Variants in SMURF2 observed in about 807,000 individuals in gnomAD.
SMURF2 encodes SMAD specific E3 ubiquitin protein ligase 2, also known as E3 ubiquitin-protein ligase SMURF2.
A neutral mutation model predicts 109.6 loss-of-function variants in SMURF2; 48 were observed. That is an observed-to-expected ratio of 0.44 (90% CI 0.35 to 0.56). SMURF2 has a LOEUF of 0.56. Among genes scored for constraint, SMURF2 ranks in the 20% least tolerant of loss-of-function variants. SMURF2 has a pLI of 0.01. For synonymous variants in SMURF2, 288 were observed against 317.1 expected (o/e 0.91, Z 0.97); for missense variants, 575 against 909.0 (o/e 0.63, Z 4.72).
At chr17:64,647,680 A>T (rs1357351371) in intron 1 of SMURF2, among the ~76,000 whole-genome samples, 1 of 101,986 alleles carries the variant, frequency 9.8e-6, no homozygotes, top group East Asian at 2.3e-4. Context: ...GACTCTGTCT[A>T]AAAAAAAAAA....
chr17:64,584,318 C>CAA (rs368630194), intron 6 of SMURF2, among the ~76,000 whole-genome samples: 124 of 71,834 alleles, frequency 1.7e-3, no homozygotes, highest in South Asian at 3.7e-3. Context: ...AACTCCTTCT[C>CAA]AAAAAAAAAA....
chr17:64,588,112 T>C (rs537374680), intron 5 of SMURF2, among the ~76,000 whole-genome samples: 1 of 142,236 alleles, frequency 7.0e-6, no homozygotes, highest in Admixed American at 7.0e-5. Context: ...AAAAAAAAGA[T>C]GTTTATGATA....
chr17:64,661,641 G>C (rs1481011068), intron 1 of SMURF2, among the ~76,000 whole-genome samples, 188 bp downstream of exon 1: 1 of 151,480 alleles, frequency 6.6e-6, no homozygotes, highest in African/African-American at 2.4e-5. Flanking sequence ...AGTCATCCTC[G>C]GCTTTTTAAA....
At chr17:64,552,294 T>C (rs1969056638) in intron 15 of SMURF2, among the ~76,000 whole-genome samples, 1 of 152,216 alleles carries the variant, frequency 6.6e-6, no homozygotes. Flanking sequence ...AAAAATGCAC[T>C]AAACTACATC....
chr17:64,547,555 C>G lies in SMURF2; in HGVS notation c.2071+45G>C, dbSNP rs1968975941. ...CTCCACAGACCCCACGCTGACAGCC[C>G]CGCCCCCACCCGCTGCCCAGCTTGC... On this transcript the variant is annotated intron_variant, in intron 17 of 18. Transcript: ENST00000262435. The surrounding 1 kb of genome is among the most constrained non-coding windows in gnomAD (Gnocchi z 4.2). 1.9e-6 allele frequency: 3 copies of G among 1,559,620 alleles called. No homozygotes were observed. The highest frequency in any genetic ancestry group is 2.7e-6 in the Non-Finnish European group (3 of 1,131,388).
intron 10 of SMURF2, 36 bp from the exon 11 acceptor site, chr17:64,563,002 T>C: frequency 7.2e-6 from 11 of 1,525,124 alleles, no homozygotes; most frequent in Non-Finnish European, 9.7e-6. Flanking sequence ...TTAAAGTATA[T>C]CAAATTTTAA....
At position 64,561,485 on chromosome 17, in the gene SMURF2, C is replaced by T. The variant is rs112867579; in HGVS notation, c.1316+15G>A. On this transcript the variant is annotated intron_variant, in intron 12 of 18. Coordinates refer to ENST00000262435, the MANE Select transcript of SMURF2 (RefSeq NM_022739.4). ...CAAAGATCCATATGTCATAAGCTGGCAAGCAAGTCCATACCTGGCAACGCC... is the reference window on the plus strand; with the variant it reads ...CAAAGATCCATATGTCATAAGCTGGTAAGCAAGTCCATACCTGGCAACGCC... The T allele has an allele frequency of 3.8e-6, 6 of 1,570,024 alleles. No homozygotes were observed. In the African/African-American group the frequency reaches 5.4e-5, roughly 14 times the overall value.
At chr17:64,560,141 G>A (rs1160926361) in intron 12 of SMURF2, among the ~76,000 whole-genome samples, 2 of 151,786 alleles carry the variant, frequency 1.3e-5, no homozygotes, top group African/African-American at 2.4e-5. Context: ...CTTGTACCTA[G>A]GAGTTCGAAG....
Position 64,542,389 on chromosome 17 carries a change from G to A in SMURF2, c.*3459C>T, listed in dbSNP as rs1269811614. ...ATTTTTAAAAACCATTTATACAGAT[G>A]TTACTGATAAAGCTCATGTAACAAA... On this transcript the variant is annotated 3_prime_UTR_variant, in exon 19 of 19. Coordinates refer to ENST00000262435, the MANE Select transcript of SMURF2 (RefSeq NM_022739.4). The A allele has an allele frequency of 6.6e-6, 1 of 152,104 alleles. No individual in the cohort carries two copies. The highest frequency in any genetic ancestry group is 1.5e-5 in the Non-Finnish European group (1 of 68,030). 9.4% of individuals were successfully genotyped at this position (152,104 alleles called of 1,614,324 possible).
At chr17:64,553,976 C>T (rs2144592709) in intron 15 of SMURF2, among the ~76,000 whole-genome samples, 1 of 152,330 alleles carries the variant, frequency 6.6e-6, no homozygotes, top group South Asian at 2.1e-4. Flanking sequence ...AAACTGATTA[C>T]CATAGTTCTA....
intron 16 of SMURF2, 146 bp downstream of exon 16, chr17:64,551,438 A>T: frequency 1.2e-6 from 1 of 840,342 alleles, no homozygotes; most frequent in Non-Finnish European, 1.8e-6. Flanking sequence ...AGCATGAAAG[A>T]CTTTTCCTGT....
chr17:64,576,281 GTCATT>G (rs781803235), intron 9 of SMURF2, among the ~76,000 whole-genome samples: 6 of 152,038 alleles, frequency 3.9e-5, no homozygotes, highest in Non-Finnish European at 7.4e-5. Flanking sequence ...TTATTTGTGT[GTCATT>G]TCATCTTTTT....
rs782421543 is a variant in SMURF2 at position 64,578,484 on chromosome 17, G to T, written c.857+8C>A. ...ATGGTCTAAAGAGTGCTTAAAATAC[G>T]TTCTTACCTGGGCACTCTTGGATCA... On this transcript the variant is annotated splice_region_variant and intron_variant, in intron 9 of 18. Coordinates refer to ENST00000262435, the MANE Select transcript of SMURF2 (RefSeq NM_022739.4). 6 of 1,595,424 alleles carry T rather than the reference G, an allele frequency of 3.8e-6. No homozygotes were observed. In the South Asian group the frequency reaches 6.6e-5, roughly 18 times the overall value.
intron 8 of SMURF2, among the ~76,000 whole-genome samples, chr17:64,579,662 T>C (rs1969552689): frequency 6.6e-6 from 1 of 152,170 alleles, no homozygotes. Context: ...TAATGACAGT[T>C]AAAATTTACT....
At chr17:64,569,339 T>G (rs1350054521) in intron 10 of SMURF2, among the ~76,000 whole-genome samples, 2 of 151,022 alleles carry the variant, frequency 1.3e-5, no homozygotes, top group Admixed American at 1.3e-4. Flanking sequence ...AAAGTCCACA[T>G]GGATTAAAGA....
intron 1 of SMURF2, among the ~76,000 whole-genome samples, chr17:64,639,075 T>TA (rs1293942908): frequency 4.6e-5 from 7 of 152,222 alleles, no homozygotes; most frequent in African/African-American, 1.4e-4. Flanking sequence ...TCTTCAAAGA[T>TA]ATGTGACCAC....
At chr17:64,654,798 C>T (rs534079970) in intron 1 of SMURF2, among the ~76,000 whole-genome samples, 9 of 152,212 alleles carry the variant, frequency 5.9e-5, no homozygotes, top group African/African-American at 2.2e-4. Context: ...CATCGCACTC[C>T]AGCCTGGGCA....
At chr17:64,660,781 ATGG>A (rs1191348806) in intron 1 of SMURF2, 1 of 152,212 alleles carries the variant, frequency 6.6e-6, no homozygotes, top group African/African-American at 2.4e-5. Flanking sequence ...TCAGGGGTAA[ATGG>A]TGAAGGTAGG....
intron 1 of SMURF2, among the ~76,000 whole-genome samples, chr17:64,642,631 T>G (rs1249389667): frequency 6.6e-6 from 1 of 152,194 alleles, no homozygotes; most frequent in Non-Finnish European, 1.5e-5. Flanking sequence ...TAAATTATGT[T>G]TATCAGCCAT....
Sources: gnomAD v4.1 joint callset for allele counts (sites outside exome capture counted in the v4.1 genomes callset) on GRCh38, gnomAD v4.1.1 for gene constraint, Gnocchi (gnomAD v3.1) non-coding constraint, MANE v1.5 for transcripts, NCBI Gene and HGNC (gene_info 2026-07-23, HGNC 2026-07-21) for gene names.